The following MTCL1 variants were observed in gnomAD, a reference collection of about 807,000 sequenced individuals.
MTCL1 encodes the protein microtubule cross-linking factor 1.
MTCL1 carries 79 observed loss-of-function variants against 141.4 expected under a neutral mutation model. The ratio of observed to expected loss-of-function variants is 0.56; its 90% CI spans 0.47 to 0.67. The LOEUF (loss-of-function observed/expected upper bound fraction) is 0.67. MTCL1 is among the 30% of genes least tolerant of loss of function. The probability of loss-of-function intolerance (pLI) is 0.00; values close to 1 mark genes in which losing one functional copy is unlikely to be tolerated. For synonymous variants in MTCL1, 914 were observed against 875.8 expected (o/e 1.04, Z -0.77); for missense variants, 2,177 against 2,113.9 (o/e 1.03, Z -0.59).
At position 8,768,248 on chromosome 18, in the gene MTCL1, G is replaced by T. The variant is rs149498342; in HGVS notation, c.358-9585G>T. ...ATTCATTTACCCATCGTATTTTTTG[G>T]TGCATTTGAAAATAAATGGTAGATG... On this transcript the variant is annotated intron_variant, in intron 4 of 16. Coordinates refer to ENST00000359865, the Ensembl canonical transcript of MTCL1. 3.1e-3 allele frequency among the ~76,000 whole-genome samples: 467 copies of T among 152,152 alleles called. 1 individual carries two copies. The highest frequency in any genetic ancestry group is 0.011 in the African/African-American group (442 of 41,516).
intron 12 of MTCL1, among the ~76,000 whole-genome samples, chr18:8,813,613 A>G (rs911603974): frequency 6.6e-6 from 1 of 152,218 alleles, no homozygotes; most frequent in Non-Finnish European, 1.5e-5. Context: ...GTTTGCCACT[A>G]AAGATGTGGT....
intron 4 of MTCL1, among the ~76,000 whole-genome samples, chr18:8,748,063 C>A (rs1263553863): frequency 6.6e-6 from 1 of 152,150 alleles, no homozygotes; most frequent in Non-Finnish European, 1.5e-5. Flanking sequence ...CCCCTCAGAA[C>A]TGCTTGTGGC....
chr18:8,728,302 G>GT (rs954478087), intron 4 of MTCL1, among the ~76,000 whole-genome samples: 7 of 151,950 alleles, frequency 4.6e-5, no homozygotes, highest in African/African-American at 1.7e-4. Flanking sequence ...TCCTTCAGCA[G>GT]TTTTTTTCAG....
chr18:8,825,570 G>T, exon 15 of MTCL1: 1 of 1,613,188 alleles, frequency 6.2e-7, no homozygotes, highest in Non-Finnish European at 8.5e-7. Flanking sequence ...GGCTGGGGGC[G>T]GTGCTACACC....
At chr18:8,766,133 A>G (rs946039664) in intron 4 of MTCL1, among the ~76,000 whole-genome samples, 7 of 152,210 alleles carry the variant, frequency 4.6e-5, no homozygotes, top group African/African-American at 1.2e-4. Context: ...TGTCATTTAG[A>G]AGACAAAACA....
intron 4 of MTCL1, among the ~76,000 whole-genome samples, chr18:8,775,852 G>A (rs936703537): frequency 1.3e-5 from 2 of 152,144 alleles, no homozygotes; most frequent in East Asian, 1.9e-4. Flanking sequence ...CCCTCTGCTC[G>A]GAGGGCCTTC....
At chr18:8,783,776 G>A in exon 6 of MTCL1, 1 of 1,613,222 alleles carries the variant, frequency 6.2e-7, no homozygotes, top group Admixed American at 1.7e-5. Context: ...CAACATCTTG[G>A]GCCGGAAGAT....
At chr18:8,707,918 T>G (rs2096066823) in intron 1 of MTCL1, among the ~76,000 whole-genome samples, 1 of 152,216 alleles carries the variant, frequency 6.6e-6, no homozygotes, top group Non-Finnish European at 1.5e-5. Context: ...TCCAACCAAC[T>G]GAGCCTTGTG....
At chr18:8,738,376 T>C (rs190363552) in intron 4 of MTCL1, among the ~76,000 whole-genome samples, 1 of 152,200 alleles carries the variant, frequency 6.6e-6, no homozygotes, top group East Asian at 1.9e-4. Context: ...AGTAAGGAGG[T>C]GATTTCTGTA....
chr18:8,728,110 CAT>C (rs910244054), intron 4 of MTCL1, among the ~76,000 whole-genome samples: 1 of 152,152 alleles, frequency 6.6e-6, no homozygotes, highest in Non-Finnish European at 1.5e-5. Context: ...TCTTGTCTTT[CAT>C]ATGTTTTAGT....
At chr18:8,729,558 G>T (rs1471866681) in intron 4 of MTCL1, among the ~76,000 whole-genome samples, 1 of 151,300 alleles carries the variant, frequency 6.6e-6, no homozygotes, top group East Asian at 1.9e-4. Flanking sequence ...ATACGCCACC[G>T]CACCCAGCTG....
chr18:8,710,478 T>TC (rs2096082258), intron 1 of MTCL1, among the ~76,000 whole-genome samples: 6 of 125,328 alleles, frequency 4.8e-5, no homozygotes, highest in Admixed American at 4.6e-4. Context: ...TTTTTTTTTT[T>TC]CTCTTTAATT....
At chr18:8,751,094 G>A (rs1324066977) in intron 4 of MTCL1, among the ~76,000 whole-genome samples, 2 of 152,180 alleles carry the variant, frequency 1.3e-5, no homozygotes, top group South Asian at 2.1e-4. Context: ...CTGCATGTGT[G>A]CATGACTCAT....
chr18:8,805,592 G>A lies in MTCL1; in HGVS notation c.2437-1301G>A, dbSNP rs192878741. Among the ~76,000 whole-genome samples the A allele has an allele frequency of 1.9e-3, 284 of 152,306 alleles. 2 individuals are homozygous for A. Among genetic ancestry groups the A allele is most frequent in the South Asian group, 0.016 (77 of 4,834 alleles). ...ATGACTGTGGAGTGAAGGCCAGTGTGTGTGTAGAACCTGAAGGAGGGGTCC... is the reference window on the plus strand; with the variant it reads ...ATGACTGTGGAGTGAAGGCCAGTGTATGTGTAGAACCTGAAGGAGGGGTCC... On this transcript the variant is annotated intron_variant, in intron 10 of 16. Transcript: ENST00000359865.
At chr18:8,732,867 T>C (rs1217197489) in intron 4 of MTCL1, among the ~76,000 whole-genome samples, 2 of 152,230 alleles carry the variant, frequency 1.3e-5, no homozygotes, top group Non-Finnish European at 2.9e-5. Flanking sequence ...ATCGTAGATA[T>C]GCTTTCGTGT....
intron 3 of MTCL1, 62 bp from the exon 3 acceptor site, chr18:8,720,276 A>G: frequency 2.6e-6 from 4 of 1,559,470 alleles, no homozygotes; most frequent in Non-Finnish European, 3.5e-6. Flanking sequence ...ATGTTGTCTG[A>G]TAGTACCCTT....
intron 4 of MTCL1, among the ~76,000 whole-genome samples, chr18:8,725,197 A>G (rs140220651): frequency 6.6e-6 from 1 of 152,096 alleles, no homozygotes; most frequent in Non-Finnish European, 1.5e-5. Flanking sequence ...GACTATATAC[A>G]TGTTCTAGAT....
rs1343705989 is a variant in MTCL1 at position 8,720,567 on chromosome 18, C to T, written c.357+71C>T. 1.0e-5 allele frequency: 15 copies of T among 1,471,830 alleles called. No homozygotes were observed. In the African/African-American group the frequency reaches 1.3e-4, roughly 12 times the overall value. The allele number at this position is 1,471,830 out of a possible 1,614,324, so 91.2% of individuals were successfully genotyped here. A position where few individuals can be genotyped will look rare whatever the true frequency, so the allele number is the denominator to read the frequency against. ...AGGAGCTTGGAACTCCAAGTGCCCC[C>T]TTCTCATTGTGGTCGAAAGCTGGGG... On this transcript the variant is annotated intron_variant, in intron 4 of 16. Coordinates refer to ENST00000359865, the Ensembl canonical transcript of MTCL1.
intron 11 of MTCL1, among the ~76,000 whole-genome samples, chr18:8,809,216 A>G (rs9951090): frequency 0.01 from 1,567 of 152,318 alleles, 26 homozygotes; most frequent in African/African-American, 0.036. Flanking sequence ...AGCCATTAGA[A>G]TCGAATGGAT....
Sources: gnomAD v4.1 joint callset for allele counts (sites outside exome capture counted in the v4.1 genomes callset) on GRCh38, gnomAD v4.1.1 for gene constraint, MANE v1.5 for transcripts, NCBI Gene and HGNC (gene_info 2026-07-23, HGNC 2026-07-21) for gene names.